PRKAR1B: variants seen among roughly 807,000 people sequenced by gnomAD.
The protein encoded by PRKAR1B is cAMP-dependent protein kinase type I-beta regulatory subunit.
A neutral mutation model predicts 46.5 loss-of-function variants in PRKAR1B; 22 were observed. The ratio of observed to expected loss-of-function variants is 0.47; its 90% CI spans 0.34 to 0.68. The LOEUF (loss-of-function observed/expected upper bound fraction) is 0.68. Among genes scored for constraint, PRKAR1B ranks in the 30% least tolerant of loss-of-function variants. PRKAR1B has a pLI of 0.01. For missense variants in PRKAR1B, 445 were observed against 535.6 expected (o/e 0.83, Z 1.67); for synonymous variants, 259 against 217.7 (o/e 1.19, Z -1.67).
chr7:711,242 C>T, intron 2 of PRKAR1B, 87 bp downstream of exon 2: 1 of 1,538,620 alleles, frequency 6.5e-7, no homozygotes, highest in African/African-American at 1.4e-5. Flanking sequence ...CTTCGAGGAC[C>T]ACGGGACAGA....
intron 4 of PRKAR1B, among the ~76,000 whole-genome samples, chr7:627,861 C>T (rs1273528294): frequency 6.6e-6 from 1 of 152,230 alleles, no homozygotes; most frequent in East Asian, 1.9e-4. Context: ...CGAGTGCCCG[C>T]TATGTACAGG....
At chr7:552,399 C>A (rs1326936319) in intron 9 of PRKAR1B, among the ~76,000 whole-genome samples, 1 of 133,678 alleles carries the variant, frequency 7.5e-6, no homozygotes, top group Non-Finnish European at 1.6e-5. Flanking sequence ...TCCAGAGCCA[C>A]TGCCACCACC....
chr7:673,646 C>A (rs1786414359), intron 4 of PRKAR1B, among the ~76,000 whole-genome samples: 1 of 142,702 alleles, frequency 7.0e-6, no homozygotes. Context: ...GAGACTCCAT[C>A]TCAAAAAAAA....
intron 4 of PRKAR1B, among the ~76,000 whole-genome samples, chr7:636,425 TCCTCCACCGGCC>T (rs1784104654): frequency 2.4e-5 from 2 of 84,048 alleles, no homozygotes; most frequent in Non-Finnish European, 5.5e-5. Context: ...CGCCCACACG[TCCTCCACCGGCC>T]GCGCCCTCAC....
intron 9 of PRKAR1B, among the ~76,000 whole-genome samples, chr7:576,129 G>C (rs538864639): frequency 7.0e-6 from 1 of 143,798 alleles, no homozygotes; most frequent in Admixed American, 7.0e-5. Flanking sequence ...ACACGGGCGG[G>C]CGTGCACGCT....
At chr7:693,164 A>C (rs1167240973) in intron 2 of PRKAR1B, among the ~76,000 whole-genome samples, 2 of 150,358 alleles carry the variant, frequency 1.3e-5, no homozygotes, top group African/African-American at 4.9e-5. Flanking sequence ...CGAACTCCTA[A>C]CCTCAAGTGA....
chr7:726,464 G>C (rs1219433811), intron 1 of PRKAR1B: 1 of 351,156 alleles, frequency 2.8e-6, no homozygotes, highest in Non-Finnish European at 5.1e-6. Context: ...CCCGCATCCC[G>C]GGCGAGCTGC....
intron 4 of PRKAR1B, among the ~76,000 whole-genome samples, chr7:628,997 C>T (rs1457491065): frequency 1.3e-5 from 2 of 152,238 alleles, no homozygotes; most frequent in African/African-American, 4.8e-5. Context: ...CCGTGCCACT[C>T]CGCCACCGCG....
In PRKAR1B at chr7:620,189, T is replaced by C. The variant is rs956265476; in HGVS notation, c.441-12737A>G. Reference sequence around the variant, plus strand: ...TCCGAATGTGTTTACTGCCTCACAATATTCCAGCTGCAATTTGAAGTGGAG... The same window carrying C: ...TCCGAATGTGTTTACTGCCTCACAACATTCCAGCTGCAATTTGAAGTGGAG... On this transcript the variant is annotated intron_variant, in intron 4 of 10. Transcript: ENST00000537384. Among the ~76,000 whole-genome samples, 11 of 152,142 alleles carry C rather than the reference T, an allele frequency of 7.2e-5. No homozygotes were observed. The East Asian group carries it at 2.1e-3, about 29-fold the overall frequency.
intron 4 of PRKAR1B, among the ~76,000 whole-genome samples, chr7:617,930 T>C (rs1476339446): frequency 6.6e-6 from 1 of 152,174 alleles, no homozygotes; most frequent in Non-Finnish European, 1.5e-5. Context: ...CCAGTTTCTC[T>C]TAAAACACAG....
intron 3 of PRKAR1B, among the ~76,000 whole-genome samples, chr7:678,675 C>T (rs555918026): frequency 2.0e-5 from 3 of 152,270 alleles, no homozygotes; most frequent in Non-Finnish European, 2.9e-5. Flanking sequence ...GGTGCAACTG[C>T]GGACCACGCA....
intron 2 of PRKAR1B, 147 bp downstream of exon 2, chr7:711,182 C>A: frequency 8.9e-7 from 1 of 1,122,546 alleles, no homozygotes; most frequent in East Asian, 2.6e-5. Context: ...TCTCTCCCCG[C>A]GCTTCTGGAA....
At chr7:640,098 G>T (rs1481777142) in intron 4 of PRKAR1B, among the ~76,000 whole-genome samples, 1 of 151,452 alleles carries the variant, frequency 6.6e-6, no homozygotes, top group Non-Finnish European at 1.5e-5. Flanking sequence ...GGGAGGCGCA[G>T]GTTGCAGTGA....
At chr7:610,203 G>A (rs1562560913) in intron 4 of PRKAR1B, among the ~76,000 whole-genome samples, 1 of 152,202 alleles carries the variant, frequency 6.6e-6, no homozygotes, top group South Asian at 2.1e-4. Context: ...GCACCCCAGT[G>A]ACTCGAGGCT....
intron 9 of PRKAR1B, among the ~76,000 whole-genome samples, chr7:576,562 C>T (rs144448291): frequency 4.6e-5 from 7 of 152,214 alleles, no homozygotes; most frequent in South Asian, 2.1e-4. Flanking sequence ...GACGTGGAGA[C>T]GGAAGTGACT....
intron 2 of PRKAR1B, among the ~76,000 whole-genome samples, chr7:705,323 A>G (rs1780269036): frequency 6.8e-6 from 1 of 147,228 alleles, no homozygotes; most frequent in African/African-American, 2.5e-5. Flanking sequence ...AAAAAAAAGA[A>G]AAAAGAAAAA....
At chr7:652,840 G>C (rs373431320) in intron 4 of PRKAR1B, among the ~76,000 whole-genome samples, 18 of 152,216 alleles carry the variant, frequency 1.2e-4, no homozygotes, top group Non-Finnish European at 2.1e-4. Context: ...ACCTCAAACA[G>C]AGTGCCTTGA....
intron 2 of PRKAR1B, among the ~76,000 whole-genome samples, chr7:698,695 T>A (rs1779902994): frequency 6.6e-6 from 1 of 151,954 alleles, no homozygotes; most frequent in Non-Finnish European, 1.5e-5. Context: ...TATGTCCAGG[T>A]GTGCGCACAG....
rs191383224 is a variant in PRKAR1B, at chr7:639,896, G to A, written c.441-32444C>T. On this transcript the variant is annotated intron_variant, in intron 4 of 10. Coordinates refer to ENST00000537384, the MANE Select transcript of PRKAR1B (RefSeq NM_001164760.2). The stretch of plus-strand genomic sequence containing the variant: ...GAAAGAAAAACTGGCCGGGTGCAGT[G>A]GCTCACACCTGTAATCCCAGCACTT... Among the ~76,000 whole-genome samples, 42 of 151,636 alleles carry A rather than the reference G, an allele frequency of 2.8e-4. No homozygotes were observed. The East Asian group carries it at 6.0e-3, about 22-fold the overall frequency.
Sources: gnomAD v4.1 joint callset for allele counts (sites outside exome capture counted in the v4.1 genomes callset) on GRCh38, gnomAD v4.1.1 for gene constraint, MANE v1.5 for transcripts, NCBI Gene and HGNC (gene_info 2026-07-23, HGNC 2026-07-21) for gene names.